BEND5: variants seen among roughly 807,000 people sequenced by gnomAD.
BEND5 encodes the protein BEN domain-containing protein 5.
Under a neutral mutation model 43.9 loss-of-function variants are expected in BEND5, and 22 were observed. That is an observed-to-expected ratio of 0.50 (90% CI 0.36 to 0.72). The LOEUF is 0.72. Ranked by LOEUF, BEND5 falls within the 30% of genes least tolerant of loss-of-function variation. The pLI, the probability that BEND5 is intolerant of heterozygous loss-of-function variation, is 0.00. For synonymous variants in BEND5, 228 were observed against 225.9 expected (o/e 1.01, Z -0.08); for missense variants, 428 against 550.6 (o/e 0.78, Z 2.23).
intron 4 of BEND5, among the ~76,000 whole-genome samples, chr1:48,738,625 C>T (rs1464836317): frequency 6.6e-6 from 1 of 152,210 alleles, no homozygotes; most frequent in East Asian, 1.9e-4. Context: ...CTTTGAATTA[C>T]ATTAAATTCT....
At chr1:48,755,452 G>C (rs576903439) in intron 3 of BEND5, among the ~76,000 whole-genome samples, 1 of 152,318 alleles carries the variant, frequency 6.6e-6, no homozygotes, top group Admixed American at 6.5e-5. Context: ...GCCCCTAGCT[G>C]AGGTGGACAA....
chr1:48,763,791 C>T (rs1644396780), intron 1 of BEND5, among the ~76,000 whole-genome samples: 1 of 152,162 alleles, frequency 6.6e-6, no homozygotes, highest in Non-Finnish European at 1.5e-5. Context: ...TTTCAAAATG[C>T]AGATGAGAAA....
chr1:48,767,138 C>A (rs1046913680), intron 1 of BEND5, among the ~76,000 whole-genome samples: 7 of 152,124 alleles, frequency 4.6e-5, no homozygotes, highest in Admixed American at 3.3e-4. Context: ...AAAAACAGTG[C>A]AGTCTTTTGA....
At chr1:48,732,865 G>A (rs2148561857) in intron 5 of BEND5, among the ~76,000 whole-genome samples, 1 of 152,266 alleles carries the variant, frequency 6.6e-6, no homozygotes, top group African/African-American at 2.4e-5. Flanking sequence ...ACAGAGGAGA[G>A]GGCCCATCAA....
chr1:48,728,766 T>C (rs1333823524), intron 5 of BEND5, among the ~76,000 whole-genome samples: 1 of 152,234 alleles, frequency 6.6e-6, no homozygotes, highest in Non-Finnish European at 1.5e-5. Context: ...TGATGCCTGG[T>C]AAATTGCTTT....
chr1:48,737,535 G>A lies in BEND5; in HGVS notation c.895-1083C>T, dbSNP rs577860641. ...TGGTGGAGCTGGATTTCATCTCAAA[G>A]TTCCTTCTGGCTCAAAACACCTATG... is the stretch of plus-strand genomic sequence containing the variant. On this transcript the variant is annotated intron_variant, in intron 4 of 5. Coordinates refer to ENST00000371833, the MANE Select transcript of BEND5 (RefSeq NM_024603.4). Among the ~76,000 whole-genome samples the A allele has an allele frequency of 2.0e-5, 3 of 152,196 alleles. No individual in the cohort carries two copies. The East Asian group carries it at 5.8e-4, about 29-fold the overall frequency.
intron 4 of BEND5, among the ~76,000 whole-genome samples, chr1:48,739,097 G>A (rs1202091676): frequency 6.6e-6 from 1 of 152,190 alleles, no homozygotes; most frequent in East Asian, 1.9e-4. Flanking sequence ...TCAATGTTCA[G>A]TTAGTTTTCC....
chr1:48,759,259 T>A lies in BEND5; in HGVS notation c.386A>T (p.Glu129Val). The change falls in exon 3 of 6, where the codon GAA (glutamate) becomes GTA (valine). Residue 129 changes from glutamate to valine, a missense_variant. Physicochemically the swap from Glu to Val is moderately radical, Grantham distance 121. This residue lies in a region of BEND5 where 243 missense variants were observed against 286.4 expected (regional missense o/e 0.85). Coordinates refer to ENST00000371833, the MANE Select transcript of BEND5 (RefSeq NM_024603.4). Reference protein sequence around the residue: ...IKRPEGRKPSEVAHKSIEAVV... With the variant: ...IKRPEGRKPSVVAHKSIEAVV... ...TGCCTCGATGCTCTTGTGCGCCACTTCGCTCGGCTTCCGCCCCTCAGGTCT... is the reference window on the plus strand; with the variant it reads ...TGCCTCGATGCTCTTGTGCGCCACTACGCTCGGCTTCCGCCCCTCAGGTCT... The A allele has an allele frequency of 6.4e-7, 1 of 1,565,904 alleles. No homozygotes were observed. The highest frequency in any genetic ancestry group is 8.7e-7 in the Non-Finnish European group (1 of 1,155,090).
chr1:48,751,546 A>G (rs1651731452), intron 3 of BEND5, among the ~76,000 whole-genome samples: 1 of 152,182 alleles, frequency 6.6e-6, no homozygotes, highest in Non-Finnish European at 1.5e-5. Flanking sequence ...TGTTTTATAT[A>G]TGGAAAGTAT....
intron 3 of BEND5, among the ~76,000 whole-genome samples, chr1:48,749,801 G>A (rs74819679): frequency 0.013 from 1,999 of 152,252 alleles, 40 homozygotes; most frequent in African/African-American, 0.045. Flanking sequence ...AACTATCTGT[G>A]CCCAGAGAGT....
intron 3 of BEND5, among the ~76,000 whole-genome samples, chr1:48,748,648 G>A (rs1651152503): frequency 6.6e-6 from 1 of 152,186 alleles, no homozygotes; most frequent in Non-Finnish European, 1.5e-5. Flanking sequence ...GTGAAGGCAA[G>A]TGGCACAAAC....
chr1:48,748,359 T>A (rs529423620), intron 3 of BEND5, among the ~76,000 whole-genome samples: 1 of 152,220 alleles, frequency 6.6e-6, no homozygotes, highest in Non-Finnish European at 1.5e-5. Flanking sequence ...ATTCCTTTGG[T>A]GAGAATCTAC....
chr1:48,735,484 A>G (rs1469901588), intron 5 of BEND5, among the ~76,000 whole-genome samples: 1 of 151,616 alleles, frequency 6.6e-6, no homozygotes, highest in Non-Finnish European at 1.5e-5. Context: ...GAAGGAAGGA[A>G]AAAGGAGGAA....
intron 3 of BEND5, among the ~76,000 whole-genome samples, chr1:48,747,022 G>A (rs755102119): frequency 1.3e-5 from 2 of 152,156 alleles, no homozygotes; most frequent in Non-Finnish European, 2.9e-5. Flanking sequence ...AATTTTAGTC[G>A]GCTTCACTAC....
intron 1 of BEND5, 61 bp from the exon 2 acceptor site, chr1:48,761,531 A>C (rs1433924712): frequency 6.7e-6 from 10 of 1,485,550 alleles, no homozygotes; most frequent in Non-Finnish European, 9.0e-6. Context: ...TTATGAGTTT[A>C]GAATGCCCAA....
intron 5 of BEND5, among the ~76,000 whole-genome samples, chr1:48,730,707 A>C (rs1647975530): frequency 6.6e-6 from 1 of 152,196 alleles, no homozygotes; most frequent in Non-Finnish European, 1.5e-5. Context: ...TAGACTCTAG[A>C]TATTAATCAC....
At chr1:48,763,974 G>C (rs553974116) in intron 1 of BEND5, among the ~76,000 whole-genome samples, 1 of 152,262 alleles carries the variant, frequency 6.6e-6, no homozygotes, top group East Asian at 1.9e-4. Context: ...ACATAATCCA[G>C]TTCCAGAGCT....
intron 1 of BEND5, among the ~76,000 whole-genome samples, chr1:48,762,924 C>T (rs891794389): frequency 6.6e-6 from 1 of 152,030 alleles, no homozygotes; most frequent in Non-Finnish European, 1.5e-5. Flanking sequence ...TCTCTCTGAA[C>T]TCAAGTCTCT....
intron 3 of BEND5, among the ~76,000 whole-genome samples, chr1:48,755,188 G>A (rs1257503769): frequency 1.3e-5 from 2 of 152,116 alleles, no homozygotes; most frequent in Non-Finnish European, 2.9e-5. Context: ...TCCAAGGTGC[G>A]CCATTACAAC....
Sources: allele counts gnomAD v4.1 joint callset (sites outside exome capture counted in the v4.1 genomes callset), GRCh38; gene constraint gnomAD v4.1.1; regional missense constraint gnomAD v4.1.1; transcripts MANE v1.5; gene names NCBI Gene and HGNC (gene_info 2026-07-23, HGNC 2026-07-21).